EDIL3: variants seen among roughly 807,000 people sequenced by gnomAD.
EDIL3 encodes the protein EGF-like repeat and discoidin I-like domain-containing protein 3.
Under a neutral mutation model 67.4 loss-of-function variants are expected in EDIL3, and 37 were observed. The ratio of observed to expected loss-of-function variants is 0.55; its 90% CI spans 0.42 to 0.72. The LOEUF (loss-of-function observed/expected upper bound fraction) is 0.72, where lower values mean the gene tolerates loss of function less well. EDIL3 is among the 30% of genes least tolerant of loss of function. EDIL3 has a pLI of 0.00. For missense variants in EDIL3, 527 were observed against 586.3 expected, an observed-to-expected ratio of 0.90 and a Z score of 1.04; for synonymous variants, 195 against 196.3, an observed-to-expected ratio of 0.99 and a Z score of 0.05.
intron 1 of EDIL3, among the ~76,000 whole-genome samples, chr5:84,300,752 T>G (rs891967670): frequency 1.3e-5 from 2 of 152,200 alleles, no homozygotes; most frequent in Non-Finnish European, 2.9e-5. Flanking sequence ...AACTACACTC[T>G]TAGGTAAACT....
intron 5 of EDIL3, among the ~76,000 whole-genome samples, chr5:84,132,372 A>T (rs1174113661): frequency 4.1e-4 from 11 of 26,772 alleles, no homozygotes; most frequent in Admixed American, 1.3e-3. Flanking sequence ...TATTATATAT[A>T]TTATATATAA....
chr5:84,301,251 A>G (rs1259346784), intron 1 of EDIL3, among the ~76,000 whole-genome samples: 3 of 151,224 alleles, frequency 2.0e-5, no homozygotes, highest in Non-Finnish European at 4.4e-5. Flanking sequence ...CTGGGCAACA[A>G]GAGCGAAATT....
chr5:84,171,346 T>C (rs1748808179), intron 4 of EDIL3, among the ~76,000 whole-genome samples: 1 of 152,192 alleles, frequency 6.6e-6, no homozygotes, highest in East Asian at 1.9e-4. Flanking sequence ...ATTGGAATAG[T>C]GTCTTTGTGC....
At chr5:84,127,262 G>T (rs559045829) in intron 5 of EDIL3, among the ~76,000 whole-genome samples, 3 of 151,946 alleles carry the variant, frequency 2.0e-5, no homozygotes, top group South Asian at 4.1e-4. Context: ...TACTGACTTT[G>T]CTCTGGCTCT....
intron 1 of EDIL3, among the ~76,000 whole-genome samples, chr5:84,312,513 AC>A (rs1274496766): frequency 8.5e-6 from 1 of 118,186 alleles, no homozygotes; most frequent in Non-Finnish European, 1.7e-5. Context: ...CAGGGGGCTG[AC>A]CCCCCCACCT....
At chr5:84,204,632 T>A (rs1743918820) in intron 3 of EDIL3, among the ~76,000 whole-genome samples, 1 of 151,976 alleles carries the variant, frequency 6.6e-6, no homozygotes, top group South Asian at 2.1e-4. Context: ...TCTGCTTGAG[T>A]TCCAATTAAC....
chr5:84,168,204 T>G (rs930469035), intron 4 of EDIL3, among the ~76,000 whole-genome samples: 1 of 152,160 alleles, frequency 6.6e-6, no homozygotes, highest in Admixed American at 6.6e-5. Flanking sequence ...CAAATGTAAA[T>G]GATGTTCTAT....
At chr5:84,054,090 C>T (rs1250777975) in intron 9 of EDIL3, among the ~76,000 whole-genome samples, 1 of 152,152 alleles carries the variant, frequency 6.6e-6, no homozygotes, top group Non-Finnish European at 1.5e-5. Context: ...TCCAGCAGCA[C>T]ATCAAAAACC....
intron 1 of EDIL3, 60 bp downstream of exon 1, chr5:84,384,248 C>T: frequency 6.4e-7 from 1 of 1,561,464 alleles, no homozygotes; most frequent in Non-Finnish European, 8.7e-7. Context: ...CCCTGCGCGG[C>T]GTTTCTCAGG....
At chr5:83,949,708 CAT>C (rs1450886643) in intron 10 of EDIL3, among the ~76,000 whole-genome samples, 4 of 151,928 alleles carry the variant, frequency 2.6e-5, no homozygotes, top group East Asian at 2.0e-4. Flanking sequence ...TTTACAGACA[CAT>C]GTCATTCCAG....
At position 84,103,627 on chromosome 5, in the gene EDIL3, T is replaced by C. The variant is rs182804835; in HGVS notation, c.651+3022A>G. ...AATCATAGGAAAAAAACCCTCAAAATCAGTTATCATTAGAGAAATGCAAAT... is the reference window on the plus strand; with the variant it reads ...AATCATAGGAAAAAAACCCTCAAAACCAGTTATCATTAGAGAAATGCAAAT... On this transcript the variant is annotated intron_variant, in intron 6 of 10. Transcript: ENST00000296591. Among the ~76,000 whole-genome samples, 490 of 151,964 alleles carry C rather than the reference T, an allele frequency of 3.2e-3. 4 individuals carry two copies. The highest frequency in any genetic ancestry group is 0.011 in the African/African-American group (463 of 41,478).
intron 3 of EDIL3, among the ~76,000 whole-genome samples, chr5:84,215,050 A>C (rs2112393556): frequency 6.6e-6 from 1 of 152,186 alleles, no homozygotes; most frequent in South Asian, 2.1e-4. Flanking sequence ...ATAATGCAAT[A>C]AAGTCAGCAT....
chr5:84,116,010 T>C (rs1193681821), intron 5 of EDIL3, among the ~76,000 whole-genome samples: 1 of 152,198 alleles, frequency 6.6e-6, no homozygotes, highest in African/African-American at 2.4e-5. Flanking sequence ...CCTTTGATGT[T>C]TGGTTATAAA....
chr5:84,336,917 C>T (rs1036387754), intron 1 of EDIL3, among the ~76,000 whole-genome samples: 2 of 151,884 alleles, frequency 1.3e-5, no homozygotes, highest in Non-Finnish European at 2.9e-5. Flanking sequence ...AAGGAACTTG[C>T]TTAAAGTCAC....
chr5:84,001,567 G>A, intron 9 of EDIL3, among the ~76,000 whole-genome samples: 1 of 151,644 alleles, frequency 6.6e-6, no homozygotes, highest in South Asian at 2.1e-4. Flanking sequence ...AAAAAAAAGA[G>A]ACAAGACCCA....
chr5:84,219,086 G>A (rs1290879832), intron 3 of EDIL3, among the ~76,000 whole-genome samples: 1 of 152,180 alleles, frequency 6.6e-6, no homozygotes. Context: ...CTGACCCAGT[G>A]CTATCCCAGT....
At chr5:84,006,806 T>G (rs1308920054) in intron 9 of EDIL3, among the ~76,000 whole-genome samples, 6 of 152,230 alleles carry the variant, frequency 3.9e-5, no homozygotes, top group African/African-American at 1.4e-4. Flanking sequence ...ACGTTTAACA[T>G]TATAAAATTT....
At chr5:84,112,299 A>G (rs139620526) in intron 5 of EDIL3, among the ~76,000 whole-genome samples, 38 of 152,290 alleles carry the variant, frequency 2.5e-4, no homozygotes, top group African/African-American at 8.9e-4. Flanking sequence ...AATAATGCAG[A>G]TCTGAAAGAG....
chr5:84,352,781 A>C (rs925867455), intron 1 of EDIL3, among the ~76,000 whole-genome samples: 3 of 152,152 alleles, frequency 2.0e-5, no homozygotes, highest in African/African-American at 7.2e-5. Flanking sequence ...TATAGCCCTA[A>C]ATCCATAAAA....
Sources: gnomAD v4.1 joint callset for allele counts (sites outside exome capture counted in the v4.1 genomes callset) on GRCh38, gnomAD v4.1.1 for gene constraint, MANE v1.5 for transcripts, NCBI Gene and HGNC (gene_info 2026-07-23, HGNC 2026-07-21) for gene names.